TENM3: variants seen among roughly 807,000 people sequenced by gnomAD.
TENM3 encodes teneurin transmembrane protein 3.
A neutral mutation model predicts 255.1 loss-of-function variants in TENM3; 63 were observed. The ratio of observed to expected loss-of-function variants is 0.25; its 90% CI spans 0.20 to 0.30. The LOEUF (loss-of-function observed/expected upper bound fraction) is 0.30. Among genes scored for constraint, TENM3 ranks in the 10% least tolerant of loss-of-function variants. TENM3 has a pLI of 1.00. For synonymous variants in TENM3, 1,306 were observed against 1,322.3 expected (o/e 0.99, Z 0.27); for missense variants, 2,929 against 3,461.1 (o/e 0.85, Z 3.86).
At chr4:181,611,915 G>T in the TENM3 span, among the ~76,000 whole-genome samples, 3 of 152,228 alleles carry the variant, frequency 2.0e-5, no homozygotes, top group Non-Finnish European at 4.4e-5. Flanking sequence ...AATCTCTTGG[G>T]TAGTGTGGCA....
chr4:182,170,359 A>C (rs533302250), intron 1 of TENM3, among the ~76,000 whole-genome samples: 1 of 152,262 alleles, frequency 6.6e-6, no homozygotes, highest in East Asian at 1.9e-4. Context: ...TGTCTAAACT[A>C]TTATGGTGTA....
At chr4:181,993,905 G>T in the TENM3 span, among the ~76,000 whole-genome samples, 1 of 152,076 alleles carries the variant, frequency 6.6e-6, no homozygotes, top group Non-Finnish European at 1.5e-5. Context: ...AGAAGATTCT[G>T]CAGAATCCCC....
At chr4:182,281,907 G>T (rs111909663) in intron 1 of TENM3, among the ~76,000 whole-genome samples, 1 of 151,990 alleles carries the variant, frequency 6.6e-6, no homozygotes, top group East Asian at 1.9e-4. Context: ...GGCTAATTTT[G>T]GTATTTTTAG....
rs1766785916 is a variant in TENM3 at position 182,799,826 on chromosome 4, G to A, written c.7575G>A (p.Ala2525=). 1.2e-5 allele frequency: 19 copies of A among 1,609,886 alleles called. No homozygotes were observed. Among genetic ancestry groups the A allele is most frequent in the African/African-American group, 5.3e-5 (4 of 74,846 alleles). Reference sequence around the variant, plus strand: ...CCAACGAGGACTGCATCAAGGTGGCGGCCGTGCTCAACAACGCCTTCTACC... The same window carrying A: ...CCAACGAGGACTGCATCAAGGTGGCAGCCGTGCTCAACAACGCCTTCTACC... ...NIANEDCIKV[A]AVLNNAFYLE... Residue 2525 remains alanine, a synonymous_variant, in exon 28 of 28, where the codon GCG becomes GCA. Transcript: ENST00000511685. The surrounding 1 kb of genome is among the most constrained non-coding windows in gnomAD (Gnocchi z 4.2).
At chr4:181,601,397 C>G in the TENM3 span, among the ~76,000 whole-genome samples, 5 of 152,218 alleles carry the variant, frequency 3.3e-5, no homozygotes, top group Admixed American at 2.6e-4. Flanking sequence ...GGCCAGAAGT[C>G]CAAGGTCAAG....
chr4:181,675,560 G>T, the TENM3 span, among the ~76,000 whole-genome samples: 6 of 152,004 alleles, frequency 3.9e-5, no homozygotes, highest in African/African-American at 1.4e-4. Context: ...TAACATATGT[G>T]CCTTAAGTGC....
At chr4:182,553,909 T>G (rs1742328338) in intron 3 of TENM3, among the ~76,000 whole-genome samples, 1 of 152,194 alleles carries the variant, frequency 6.6e-6, no homozygotes, top group Non-Finnish European at 1.5e-5. Flanking sequence ...CTTTTCTCTC[T>G]GCCAAATGAA....
chr4:182,227,666 T>C (rs1756262220), intron 1 of TENM3, among the ~76,000 whole-genome samples: 1 of 149,988 alleles, frequency 6.7e-6, no homozygotes, highest in African/African-American at 2.5e-5. Context: ...CTTTTCAACC[T>C]TGTTGTCATT....
At chr4:182,149,721 T>C (rs1337392114) in intron 1 of TENM3, among the ~76,000 whole-genome samples, 4 of 152,088 alleles carry the variant, frequency 2.6e-5, no homozygotes, top group African/African-American at 9.6e-5. Flanking sequence ...GTAATTCTTA[T>C]ATGTTTAGGA....
intron 6 of TENM3, among the ~76,000 whole-genome samples, chr4:182,665,608 C>T (rs1216293660): frequency 6.6e-6 from 1 of 151,988 alleles, no homozygotes; most frequent in Non-Finnish European, 1.5e-5. Flanking sequence ...TTAAAAACCT[C>T]CTGGAGGCTG....
At chr4:181,725,874 C>T in the TENM3 span, among the ~76,000 whole-genome samples, 66 of 152,060 alleles carry the variant, frequency 4.3e-4, no homozygotes, top group African/African-American at 1.3e-3. Flanking sequence ...AATACCAGTA[C>T]GATAGTATTT....
intron 24 of TENM3, among the ~76,000 whole-genome samples, chr4:182,777,836 CATATATATATATATGCTGTTATAT>C (rs1191334504): frequency 1.4e-5 from 2 of 139,710 alleles, no homozygotes; most frequent in African/African-American, 5.7e-5. Flanking sequence ...AGGAATACAG[CATATATATATATATGCTGTTATAT>C]ATATATATAT....
the TENM3 span, among the ~76,000 whole-genome samples, chr4:182,096,115 G>T: frequency 7.4e-6 from 1 of 136,022 alleles, no homozygotes; most frequent in Non-Finnish European, 1.6e-5. Context: ...GGGTGACAGA[G>T]TGAGACCCTG....
chr4:181,743,171 T>C, the TENM3 span, among the ~76,000 whole-genome samples: 1 of 152,136 alleles, frequency 6.6e-6, no homozygotes, highest in African/African-American at 2.4e-5. Context: ...GCATGATTTA[T>C]AGTCCTTTGG....
At chr4:182,663,265 A>AC (rs1754374756) in intron 6 of TENM3, among the ~76,000 whole-genome samples, 1 of 151,956 alleles carries the variant, frequency 6.6e-6, no homozygotes, top group African/African-American at 2.4e-5. Flanking sequence ...TGTTTTTGTG[A>AC]CCCCCTTCAA....
intron 3 of TENM3, among the ~76,000 whole-genome samples, chr4:182,443,122 A>G (rs1197761170): frequency 6.6e-6 from 1 of 152,164 alleles, no homozygotes; most frequent in African/African-American, 2.4e-5. Context: ...AAAACAATTC[A>G]ATCATCTTTA....
At chr4:182,048,111 A>G in the TENM3 span, among the ~76,000 whole-genome samples, 1 of 152,226 alleles carries the variant, frequency 6.6e-6, no homozygotes, top group Non-Finnish European at 1.5e-5. Context: ...ATCAATGTGA[A>G]ATAAGCTAAA....
the TENM3 span, among the ~76,000 whole-genome samples, chr4:181,991,892 A>G: frequency 6.6e-6 from 1 of 152,250 alleles, no homozygotes; most frequent in Non-Finnish European, 1.5e-5. Flanking sequence ...GTAGACTACT[A>G]AAAATCCTTA....
the TENM3 span, among the ~76,000 whole-genome samples, chr4:181,542,473 A>C: frequency 2.0e-5 from 3 of 152,198 alleles, no homozygotes; most frequent in African/African-American, 7.2e-5. Context: ...TGAAGAATGA[A>C]TTGTAGGAGA....
Sources: allele counts gnomAD v4.1 joint callset (sites outside exome capture counted in the v4.1 genomes callset), GRCh38; gene constraint gnomAD v4.1.1; non-coding constraint Gnocchi (gnomAD v3.1); transcripts MANE v1.5; gene names NCBI Gene and HGNC (gene_info 2026-07-23, HGNC 2026-07-21).